SLC2A14: variants seen among roughly 807,000 people sequenced by gnomAD.
SLC2A14 encodes solute carrier family 2 member 14, also known as solute carrier family 2, facilitated glucose transporter member 14.
In SLC2A14, 13 loss-of-function variants were observed where a neutral mutation model predicts 43.0. The ratio of observed to expected loss-of-function variants is 0.30; its 90% CI spans 0.20 to 0.48. The LOEUF (loss-of-function observed/expected upper bound fraction) is 0.48. Among genes scored for constraint, SLC2A14 ranks in the 20% least tolerant of loss-of-function variants. The pLI, the probability that SLC2A14 is intolerant of heterozygous loss-of-function variation, is 0.99. For synonymous variants in SLC2A14, 190 were observed against 233.8 expected, an observed-to-expected ratio of 0.81 and a Z score of 1.71; for missense variants, 428 against 620.4, an observed-to-expected ratio of 0.69 and a Z score of 3.29.
upstream of SLC2A14, among the ~76,000 whole-genome samples, chr12:7,876,533 G>A (rs1945466966): frequency 2.5e-5 from 1 of 40,018 alleles, no homozygotes; most frequent in South Asian, 2.3e-3. Flanking sequence ...AAAGCAGTAT[G>A]GAAGATTCCT....
intron 2 of SLC2A14, among the ~76,000 whole-genome samples, chr12:7,841,385 C>T (rs1418683061): frequency 6.6e-6 from 1 of 152,080 alleles, no homozygotes; most frequent in Non-Finnish European, 1.5e-5. Flanking sequence ...CTCAGCCTCC[C>T]AAGCAGCTGG....
In SLC2A14 at chr12:7,829,994, C is replaced by T; in HGVS notation, c.285G>A (p.Met95Ile). ...FVNRFGRRNS[M>I]LIVNLLAATG... ...TGGCAGCCAACAGGTTGACAATCAG[C>T]ATTGAATTGCGCCTGTAAGGTTAAT... Residue 95 changes from methionine (M) to isoleucine (I), a missense_variant, in exon 5 of 11, where the codon ATG (methionine) becomes ATA (isoleucine). This residue lies in a region of SLC2A14 where 122 missense variants were observed against 128.8 expected (regional missense o/e 0.95). Transcript: ENST00000431042. 3 of 1,614,210 alleles carry T rather than the reference C, an allele frequency of 1.9e-6. No homozygotes were observed. In the South Asian group the frequency reaches 3.3e-5, roughly 18 times the overall value.
intron 1 of SLC2A14, among the ~76,000 whole-genome samples, chr12:7,885,493 AT>A (rs1277296294): frequency 6.6e-6 from 1 of 151,848 alleles, no homozygotes; most frequent in African/African-American, 2.4e-5. Context: ...TAACTCTCCA[AT>A]TTTCTGAATG....
intron 2 of SLC2A14, among the ~76,000 whole-genome samples, chr12:7,865,336 G>C (rs1448746462): frequency 6.6e-6 from 1 of 152,048 alleles, no homozygotes; most frequent in East Asian, 1.9e-4. Context: ...AGGAGATCGA[G>C]ACCATCCTGG....
chr12:7,884,943 C>T (rs758043989), intron 1 of SLC2A14, among the ~76,000 whole-genome samples: 1 of 152,078 alleles, frequency 6.6e-6, no homozygotes, highest in African/African-American at 2.4e-5. Flanking sequence ...AAGGTCAGGA[C>T]TATTTTTTTT....
intron 2 of SLC2A14, among the ~76,000 whole-genome samples, chr12:7,855,809 GTAT>G (rs2120958525): frequency 6.6e-6 from 1 of 151,708 alleles, no homozygotes; most frequent in South Asian, 2.1e-4. Context: ...GCTAATTTTT[GTAT>G]TTTTAGTAGA....
At position 7,845,211 on chromosome 12, in the gene SLC2A14, T is replaced by C. The variant is rs188779679; in HGVS notation, c.19-12397A>G. On this transcript the variant is annotated intron_variant, in intron 2 of 10. Transcript: ENST00000431042. The stretch of plus-strand genomic sequence containing the variant: ...CACTGAAAGTACCTGGGCAAACCTC[T>C]ATGGTTGGTCATTTTACAAAACAAA... Among the ~76,000 whole-genome samples the C allele has an allele frequency of 7.2e-5, 11 of 152,262 alleles. No individual in the cohort carries two copies. The East Asian group carries it at 1.7e-3, about 24-fold the overall frequency.
chr12:7,878,259 C>G (rs1945498566), upstream of SLC2A14, among the ~76,000 whole-genome samples: 1 of 151,578 alleles, frequency 6.6e-6, no homozygotes, highest in Non-Finnish European at 1.5e-5. Context: ...TCATGTTGGC[C>G]AGGCTGGTGT....
At chr12:7,858,696 T>C (rs762770331) in intron 2 of SLC2A14, among the ~76,000 whole-genome samples, 2 of 152,078 alleles carry the variant, frequency 1.3e-5, no homozygotes, top group Non-Finnish European at 2.9e-5. Flanking sequence ...ATGGAGTTTC[T>C]CCATGTTGGT....
At chr12:7,862,756 C>G (rs767107233) in intron 2 of SLC2A14, among the ~76,000 whole-genome samples, 41 of 152,234 alleles carry the variant, frequency 2.7e-4, no homozygotes, top group African/African-American at 9.9e-4. Flanking sequence ...CCAGTCAGCA[C>G]CCTGTGTTTA....
Position 7,827,565 on chromosome 12 carries a change from G to A in SLC2A14, c.794C>T (p.Ser265Phe). The A allele has an allele frequency of 1.9e-6, 3 of 1,613,136 alleles. No individual in the cohort carries two copies. Among genetic ancestry groups the A allele is most frequent in the Non-Finnish European group, 2.5e-6 (3 of 1,179,852 alleles). The change falls in exon 7 of 11, where the codon TCC becomes TTC. Residue 265 changes from serine (S) to phenylalanine (F), a missense_variant. Ser to Phe is a radical substitution (Grantham distance 155). Transcript: ENST00000431042. ...QVTVLELFRV[S>F]SYRQPIIISI... is the part of the protein sequence containing the mutation. ...AATGATGATGGGCTGTCGGTAGCTG[G>A]ACACTCTAAAGAGCTCCAGCACGGT...
intron 1 of SLC2A14, among the ~76,000 whole-genome samples, chr12:7,871,594 G>A (rs1222558769): frequency 6.6e-6 from 1 of 151,984 alleles, no homozygotes; most frequent in African/African-American, 2.4e-5. Flanking sequence ...CCCTGGGCTG[G>A]AGTCTCTGAC....
intron 2 of SLC2A14, among the ~76,000 whole-genome samples, chr12:7,862,504 C>A (rs28750840): frequency 0.13 from 19,771 of 151,892 alleles, 1,410 homozygotes; most frequent in East Asian, 0.27. Context: ...CGAGCCTCCC[C>A]GACGAATGCC....
chr12:7,826,916 T>A (rs1864477658), intron 7 of SLC2A14, among the ~76,000 whole-genome samples: 1 of 120,680 alleles, frequency 8.3e-6, no homozygotes. Flanking sequence ...TTTCTTTCTT[T>A]TTCCTTTTTC....
chr12:7,839,464 GCT>G (rs1407680466), intron 2 of SLC2A14, among the ~76,000 whole-genome samples: 4 of 152,208 alleles, frequency 2.6e-5, no homozygotes, highest in Non-Finnish European at 4.4e-5. Context: ...CTAGGAGTCT[GCT>G]CATGCAGGAC....
upstream of SLC2A14, among the ~76,000 whole-genome samples, chr12:7,878,038 G>A (rs1392776213): frequency 2.6e-5 from 4 of 151,692 alleles, no homozygotes; most frequent in African/African-American, 9.7e-5. Context: ...ACCATGCCCG[G>A]CCTTATTGTT....
At chr12:7,870,822 C>T in intron 1 of SLC2A14, 1 of 1,211,336 alleles carries the variant, frequency 8.3e-7, no homozygotes, top group Non-Finnish European at 1.1e-6. Flanking sequence ...TCCAAGAACC[C>T]AGTGAAGCCC....
chr12:7,863,249 G>A, intron 2 of SLC2A14: 1 of 364,540 alleles, frequency 2.7e-6, no homozygotes. Flanking sequence ...GCGGAAGTCT[G>A]CAGCTTCACT....
chr12:7,859,657 T>A (rs1481616822), intron 2 of SLC2A14, among the ~76,000 whole-genome samples: 7 of 152,046 alleles, frequency 4.6e-5, no homozygotes, highest in African/African-American at 1.7e-4. Flanking sequence ...AGAGAATGAA[T>A]CAGGCTTCTA....
Sources: allele counts gnomAD v4.1 joint callset (sites outside exome capture counted in the v4.1 genomes callset), GRCh38; gene constraint gnomAD v4.1.1; regional missense constraint gnomAD v4.1.1; transcripts MANE v1.5; gene names NCBI Gene and HGNC (gene_info 2026-07-23, HGNC 2026-07-21).